The following FGD6 variants were observed in gnomAD, a reference collection of about 807,000 sequenced individuals.
The protein encoded by FGD6 is FYVE, RhoGEF and PH domain containing 6.
In FGD6, 90 loss-of-function variants were observed where a neutral mutation model predicts 149.4. The observed-to-expected ratio is 0.60, with a 90% confidence interval of 0.51 to 0.72. The LOEUF (loss-of-function observed/expected upper bound fraction) is 0.72. Ranked by LOEUF, FGD6 falls within the 30% of genes least tolerant of loss-of-function variation. FGD6 has a pLI of 0.00. For synonymous variants in FGD6, 527 were observed against 584.0 expected (o/e 0.90, Z 1.41); for missense variants, 1,437 against 1,684.8 (o/e 0.85, Z 2.57).
In FGD6 at chr12:95,108,527, G is replaced by C; in HGVS notation, c.3168C>G (p.His1056Gln). Reference sequence around the variant, plus strand: ...CTCCTTGCTTCATGGTGTCATTGGCGTGGTTGGCTACCTCTATAACAACAG... The same window carrying C: ...CTCCTTGCTTCATGGTGTCATTGGCCTGGTTGGCTACCTCTATAACAACAG... ...ALAVVIEVAN[H>Q]ANDTMKQGDN... Residue 1056 changes from histidine (H) to glutamine (Q), a missense_variant, in exon 10 of 21, where the codon CAC becomes CAG. Around this residue, in one of 2 missense-constraint regions of FGD6, gnomAD observed 382 missense variants for 538.7 expected, o/e 0.71. Coordinates refer to ENST00000343958, the MANE Select transcript of FGD6 (RefSeq NM_018351.4). 1 of 1,613,976 alleles carries C rather than the reference G, an allele frequency of 6.2e-7. No individual in the cohort carries two copies. The highest frequency in any genetic ancestry group is 8.5e-7 in the Non-Finnish European group (1 of 1,179,940).
At chr12:95,198,588 C>T (rs375394594) in intron 2 of FGD6, among the ~76,000 whole-genome samples, 25 of 152,152 alleles carry the variant, frequency 1.6e-4, no homozygotes, top group African/African-American at 5.8e-4. Flanking sequence ...TACAGGGGCC[C>T]GCCACCACGC....
At chr12:95,150,185 G>A (rs1357583941) in intron 5 of FGD6, among the ~76,000 whole-genome samples, 3 of 151,534 alleles carry the variant, frequency 2.0e-5, no homozygotes, top group Admixed American at 1.3e-4. Flanking sequence ...GTGCCACCAC[G>A]CCCGGCTAAT....
At chr12:95,152,671 T>A in intron 5 of FGD6, 140 bp downstream of exon 5, 1 of 742,612 alleles carries the variant, frequency 1.3e-6, no homozygotes, top group East Asian at 2.7e-5. Flanking sequence ...CTTTCAGAAA[T>A]CATGTTATCT....
chr12:95,126,351 C>T (rs892648220), intron 8 of FGD6: 110 of 1,554,842 alleles, frequency 7.1e-5, no homozygotes, highest in Non-Finnish European at 8.9e-5. Flanking sequence ...AGCTCCAGCC[C>T]AGAAAGCCCC....
chr12:95,134,897 G>C, intron 7 of FGD6, 71 bp from the exon 8 acceptor site: 1 of 1,283,130 alleles, frequency 7.8e-7, no homozygotes, highest in Non-Finnish European at 1.1e-6. Context: ...CAAGTGCTCA[G>C]GAAGCCAAAC....
At chr12:95,136,690 GTTAA>G (rs1879676325) in intron 7 of FGD6, among the ~76,000 whole-genome samples, 1 of 152,196 alleles carries the variant, frequency 6.6e-6, no homozygotes, top group Non-Finnish European at 1.5e-5. Flanking sequence ...ATCATTGTAA[GTTAA>G]TTGTTAGGAT....
Position 95,101,681 on chromosome 12 carries a change from C to CTTTT in FGD6, c.3497+3322_3497+3325dup, listed in dbSNP as rs757955014. On this transcript the variant is annotated intron_variant, in intron 14 of 20. Coordinates refer to ENST00000343958, the MANE Select transcript of FGD6 (RefSeq NM_018351.4). ...ATGGTCTTAATGTTCTTTGAACTTT[C>CTTTT]TTTTTTTTTTTTTTTTTTTTGAGAT... Among the ~76,000 whole-genome samples, 46 of 107,798 alleles carry CTTTT rather than the reference C, an allele frequency of 4.3e-4. 1 individual carries two copies. The highest frequency in any genetic ancestry group is 4.4e-4 in the Non-Finnish European group (25 of 56,462). The allele number at this position is 107,798 out of a possible 152,430, so 70.7% of individuals were successfully genotyped here. A position where few individuals can be genotyped will look rare whatever the true frequency, so the allele number is the denominator to read the frequency against.
chr12:95,162,030 G>A (rs1029753709), intron 3 of FGD6, among the ~76,000 whole-genome samples: 2 of 148,818 alleles, frequency 1.3e-5, no homozygotes, highest in African/African-American at 5.0e-5. Context: ...AACATTTTGG[G>A]AGGCAGGAGG....
Position 95,098,525 on chromosome 12 carries a change from G to A in FGD6, c.3498-3831C>T, listed in dbSNP as rs116263182. On this transcript the variant is annotated intron_variant, in intron 14 of 20. Coordinates refer to ENST00000343958, the MANE Select transcript of FGD6 (RefSeq NM_018351.4). ...CATTCTCTTCCTCATTCTTGAGCTCGTGCCACACTGACCTTCCAATTCTCT... is the reference window on the plus strand; with the variant it reads ...CATTCTCTTCCTCATTCTTGAGCTCATGCCACACTGACCTTCCAATTCTCT... Among the ~76,000 whole-genome samples the A allele has an allele frequency of 4.6e-3, 707 of 152,144 alleles. 4 individuals are homozygous for A. The highest frequency in any genetic ancestry group is 0.016 in the African/African-American group (671 of 41,496).
At chr12:95,148,812 CATATATTAT>C (rs1450721879) in intron 5 of FGD6, among the ~76,000 whole-genome samples, 1 of 49,036 alleles carries the variant, frequency 2.0e-5, no homozygotes, top group Non-Finnish European at 3.9e-5. Context: ...TGTTATATTA[CATATATTAT>C]ATATATTATA....
At chr12:95,215,749 T>A (rs2056750176) in intron 1 of FGD6, among the ~76,000 whole-genome samples, 1 of 152,182 alleles carries the variant, frequency 6.6e-6, no homozygotes, top group Admixed American at 6.5e-5. Context: ...CCCTAGAAAT[T>A]GGGTTTACAT....
At chr12:95,097,149 A>G (rs1878258282) in intron 14 of FGD6, among the ~76,000 whole-genome samples, 1 of 152,162 alleles carries the variant, frequency 6.6e-6, no homozygotes, top group South Asian at 2.1e-4. Flanking sequence ...GACCACACAC[A>G]TTTGCCCGCA....
chr12:95,157,680 A>AGT (rs1225430691), intron 3 of FGD6, among the ~76,000 whole-genome samples: 1 of 152,162 alleles, frequency 6.6e-6, no homozygotes, highest in Non-Finnish European at 1.5e-5. Flanking sequence ...TTCAGAGTCC[A>AGT]GTCTAATGAG....
intron 13 of FGD6, among the ~76,000 whole-genome samples, chr12:95,106,055 A>G (rs1011338447): frequency 6.6e-6 from 1 of 152,154 alleles, no homozygotes; most frequent in African/African-American, 2.4e-5. Context: ...AGTAACATAT[A>G]TAGACAGAAA....
At chr12:95,156,857 T>C (rs1880488150) in intron 3 of FGD6, among the ~76,000 whole-genome samples, 1 of 152,194 alleles carries the variant, frequency 6.6e-6, no homozygotes. Flanking sequence ...ACGTGAAATA[T>C]TGGGGGTGAA....
intron 3 of FGD6, among the ~76,000 whole-genome samples, chr12:95,155,972 T>G (rs1260500814): frequency 1.3e-5 from 2 of 152,240 alleles, no homozygotes; most frequent in East Asian, 3.8e-4. Flanking sequence ...TGGACACTTA[T>G]CACTTCCCCA....
intron 1 of FGD6, among the ~76,000 whole-genome samples, chr12:95,214,926 G>C (rs1318761127): frequency 1.4e-5 from 2 of 142,380 alleles, no homozygotes; most frequent in Non-Finnish European, 1.5e-5. Flanking sequence ...GCAGTGGCTC[G>C]ATCTCGGCTC....
intron 2 of FGD6, among the ~76,000 whole-genome samples, 196 bp from the exon 3 acceptor site, chr12:95,172,940 T>C (rs1426352448): frequency 6.6e-6 from 1 of 152,174 alleles, no homozygotes; most frequent in Non-Finnish European, 1.5e-5. Flanking sequence ...AATTAATTTT[T>C]TGAATTTTTA....
intron 1 of FGD6, among the ~76,000 whole-genome samples, chr12:95,213,607 G>A (rs1035255253): frequency 1.3e-5 from 2 of 152,060 alleles, no homozygotes; most frequent in African/African-American, 2.4e-5. Context: ...CCGTATCTTA[G>A]AACCTTGTCA....
Sources: allele counts gnomAD v4.1 joint callset (sites outside exome capture counted in the v4.1 genomes callset), GRCh38; gene constraint gnomAD v4.1.1; regional missense constraint gnomAD v4.1.1; transcripts MANE v1.5; gene names NCBI Gene and HGNC (gene_info 2026-07-23, HGNC 2026-07-21).